LYPD5: variants seen among roughly 807,000 people sequenced by gnomAD.
The protein encoded by LYPD5 is LY6/PLAUR domain containing 5.
In LYPD5, 21 loss-of-function variants were observed where a neutral mutation model predicts 19.1. The observed-to-expected ratio is 1.10, with a 90% confidence interval of 0.78 to 1.58. The LOEUF (loss-of-function observed/expected upper bound fraction) is 1.58. Ranked by LOEUF, LYPD5 falls within the 40% of genes most tolerant of loss-of-function variation. LYPD5 has a pLI of 0.00. For missense variants in LYPD5, 287 were observed against 329.8 expected, an observed-to-expected ratio of 0.87 and a Z score of 1.00; for synonymous variants, 128 against 142.7, an observed-to-expected ratio of 0.90 and a Z score of 0.74.
intron 1 of LYPD5, among the ~76,000 whole-genome samples, chr19:43,813,392 GCC>G (rs1454496530): frequency 3.9e-5 from 6 of 152,104 alleles, no homozygotes; most frequent in African/African-American, 1.2e-4. Flanking sequence ...GCTTCCTGAG[GCC>G]TCACCAGAAG....
chr19:43,802,937 G>A (rs539639567), upstream of LYPD5, among the ~76,000 whole-genome samples: 2 of 152,242 alleles, frequency 1.3e-5, no homozygotes, highest in South Asian at 2.1e-4. Flanking sequence ...TGAACTCTTC[G>A]GGGGCCTCCA....
Position 43,797,804 on chromosome 19 carries a change from G to A in LYPD5, c.543C>T (p.Ile181=). 1 of 1,613,822 alleles carries A rather than the reference G, an allele frequency of 6.2e-7. No homozygotes were observed. The highest frequency in any genetic ancestry group is 2.2e-5 in the East Asian group (1 of 44,890). Residue 181 remains isoleucine, a synonymous_variant, in exon 5 of 5, where the codon ATC becomes ATT. Coordinates refer to ENST00000377950, the MANE Select transcript of LYPD5 (RefSeq NM_001031749.3). The stretch of plus-strand genomic sequence containing the variant: ...TGCAGGAGGGCCGGTGGCAGGTTCT[G>A]ATGTACACAGGGACTGAGAAATTGC... ...TVGNFSVPVY[I]RTCHRPSCTT... is the part of the protein sequence containing the mutation.
At position 43,799,002 on chromosome 19, in the gene LYPD5, C is replaced by T; in HGVS notation, c.194-14G>A. ...GCGCGCGATACCCTGGGGGCGGGAT[C>T]GGGGCTCGTGCTCTGCTTCCCGAAA... On this transcript the variant is annotated splice_polypyrimidine_tract_variant and intron_variant, in intron 2 of 4. Transcript: ENST00000377950. 6.4e-7 allele frequency: 1 copy of T among 1,552,154 alleles called. No individual in the cohort carries two copies. Among genetic ancestry groups the T allele is most frequent in the Non-Finnish European group, 8.7e-7 (1 of 1,148,038 alleles).
chr19:43,797,566 G>C lies in LYPD5; in HGVS notation c.*25C>G, dbSNP rs776628723. ...AGCAAGAATGAGGTGTGTGAGCCCT[G>C]TCCCCAGCATCCTGGAGGGGCGGTC... On this transcript the variant is annotated 3_prime_UTR_variant, in exon 5 of 5. Transcript: ENST00000377950. The C allele has an allele frequency of 2.0e-6, 3 of 1,530,264 alleles. No individual in the cohort carries two copies. The Admixed American group carries it at 5.3e-5, about 27-fold the overall frequency. 94.8% of individuals were successfully genotyped at this position (1,530,264 alleles called of 1,614,324 possible). A position where few individuals can be genotyped will look rare whatever the true frequency, so the allele number is the denominator to read the frequency against.
At chr19:43,815,270 G>A (rs902836565) in intron 1 of LYPD5, among the ~76,000 whole-genome samples, 2 of 152,004 alleles carry the variant, frequency 1.3e-5, no homozygotes, top group Admixed American at 6.6e-5. Context: ...TTGGGAGGCC[G>A]AAAGTGGGGG....
rs1568403529 is a variant in LYPD5 at position 43,799,698 on chromosome 19, C to T, written c.193+8G>A. 3 of 1,612,388 alleles carry T rather than the reference C, an allele frequency of 1.9e-6. No homozygotes were observed. The South Asian group carries it at 3.3e-5, about 18-fold the overall frequency. ...TCTCATCCCTGTCCCCCGGCTCCCG[C>T]TCCTTACCGGTGTCCAGAGACAGGA... On this transcript the variant is annotated splice_region_variant and intron_variant, in intron 2 of 4. Coordinates refer to ENST00000377950, the MANE Select transcript of LYPD5 (RefSeq NM_001031749.3).
At chr19:43,799,121 C>T (rs993967401) in intron 2 of LYPD5, 133 bp from the exon 3 acceptor site, 2 of 1,058,416 alleles carry the variant, frequency 1.9e-6, no homozygotes, top group African/African-American at 3.2e-5. Context: ...TCCTTCCTCT[C>T]ACCCCCAGAC....
chr19:43,804,924 A>G (rs444694), upstream of LYPD5, among the ~76,000 whole-genome samples: 52,987 of 152,082 alleles, frequency 0.35, 10,805 homozygotes, highest in East Asian at 0.49. Flanking sequence ...TGGTGAATGC[A>G]TGAGTATGTG....
chr19:43,806,704 A>G (rs532485975), upstream of LYPD5, among the ~76,000 whole-genome samples: 1 of 151,940 alleles, frequency 6.6e-6, no homozygotes, highest in Non-Finnish European at 1.5e-5. Context: ...CAACAAGCTC[A>G]GGGCTCTCAC....
At chr19:43,799,926 C>T in intron 1 of LYPD5, 92 bp from the exon 2 acceptor site, 1 of 1,429,900 alleles carries the variant, frequency 7.0e-7, no homozygotes, top group Non-Finnish European at 9.3e-7. Context: ...GGCACACGGG[C>T]CTGGCCCCTC....
intron 1 of LYPD5, among the ~76,000 whole-genome samples, chr19:43,817,431 G>A (rs975915843): frequency 6.6e-6 from 1 of 152,160 alleles, no homozygotes; most frequent in African/African-American, 2.4e-5. Context: ...AAGGAGTGGA[G>A]AAATTGACTC....
upstream of LYPD5, among the ~76,000 whole-genome samples, chr19:43,804,427 A>G (rs71337240): frequency 5.0e-4 from 46 of 92,132 alleles, no homozygotes; most frequent in East Asian, 5.4e-3. Context: ...GACACATCCC[A>G]TTGACCCACC....
upstream of LYPD5, among the ~76,000 whole-genome samples, chr19:43,807,283 TTTTC>T (rs1198762090): frequency 0.083 from 12,244 of 146,710 alleles, 527 homozygotes; most frequent in Non-Finnish European, 0.12. Context: ...TTTCTTTTCT[TTTTC>T]TTTTTTTTTT....
upstream of LYPD5, among the ~76,000 whole-genome samples, chr19:43,805,682 A>G (rs1032719848): frequency 3.9e-5 from 6 of 152,006 alleles, no homozygotes; most frequent in African/African-American, 9.6e-5. Context: ...TAATTTTTGT[A>G]TTTTTAGTAG....
At chr19:43,819,054 T>A (rs1317400778) in intron 1 of LYPD5, among the ~76,000 whole-genome samples, 1 of 152,168 alleles carries the variant, frequency 6.6e-6, no homozygotes, top group Non-Finnish European at 1.5e-5. Context: ...GTTCTCTTTT[T>A]TATTCATCTT....
Position 43,797,490 on chromosome 19 carries a change from A to G in LYPD5, c.*101T>C. 6.0e-6 allele frequency: 6 copies of G among 996,210 alleles called. No homozygotes were observed. Among genetic ancestry groups the G allele is most frequent in the Non-Finnish European group, 9.0e-6 (6 of 664,244 alleles). 61.7% of individuals were successfully genotyped at this position (996,210 alleles called of 1,614,324 possible). A position where few individuals can be genotyped will look rare whatever the true frequency, so the allele number is the denominator to read the frequency against. On this transcript the variant is annotated 3_prime_UTR_variant, in exon 5 of 5. Coordinates refer to ENST00000377950, the MANE Select transcript of LYPD5 (RefSeq NM_001031749.3). Reference sequence around the variant, plus strand: ...GGAAGGCCAGAGGGACAGGAGTGCAATTCTTACTTTAACATCATTTTCCAG... The same window carrying G: ...GGAAGGCCAGAGGGACAGGAGTGCAGTTCTTACTTTAACATCATTTTCCAG...
intron 1 of LYPD5, among the ~76,000 whole-genome samples, chr19:43,819,861 G>T (rs1210518594): frequency 1.3e-5 from 2 of 152,182 alleles, no homozygotes; most frequent in African/African-American, 4.8e-5. Context: ...CACTATGGGA[G>T]ACTGATGGCC....
chr19:43,799,894 G>A (rs895609268), intron 1 of LYPD5, 60 bp from the exon 2 acceptor site: 25 of 1,533,988 alleles, frequency 1.6e-5, no homozygotes, highest in Middle Eastern at 4.0e-4. Context: ...CAGGAACTCA[G>A]AGCTCCACCC....
rs1970141109 is a variant in LYPD5, at chr19:43,797,137, G to T, written c.*454C>A. 6.4e-6 allele frequency: 1 copy of T among 155,650 alleles called. No homozygotes were observed. The highest frequency in any genetic ancestry group is 2.4e-5 in the African/African-American group (1 of 41,508). 9.6% of individuals were successfully genotyped at this position (155,650 alleles called of 1,614,324 possible). A position where few individuals can be genotyped will look rare whatever the true frequency, so the allele number is the denominator to read the frequency against. On this transcript the variant is annotated 3_prime_UTR_variant, in exon 5 of 5. Transcript: ENST00000377950. The stretch of plus-strand genomic sequence containing the variant: ...TCTGCAGGCTGAATGGTGGAGCTGG[G>T]ATTTGAACCCATGCAGCTTAGCTCC...
Sources: allele counts gnomAD v4.1 joint callset (sites outside exome capture counted in the v4.1 genomes callset), GRCh38; gene constraint gnomAD v4.1.1; transcripts MANE v1.5; gene names NCBI Gene and HGNC (gene_info 2026-07-23, HGNC 2026-07-21).